Variants in WDR12 observed in about 807,000 individuals in gnomAD.
The protein encoded by WDR12 is ribosome biogenesis protein WDR12.
Under a neutral mutation model 64.3 loss-of-function variants are expected in WDR12, and 42 were observed. The observed-to-expected ratio is 0.65, with a 90% CI of 0.51 to 0.84. The LOEUF (loss-of-function observed/expected upper bound fraction) is 0.84, where lower values mean the gene tolerates loss of function less well. Among genes scored for constraint, WDR12 ranks in the 40% least tolerant of loss-of-function variants. WDR12 has a pLI of 0.00. For synonymous variants in WDR12, 158 were observed against 173.3 expected (o/e 0.91, Z 0.70); for missense variants, 469 against 494.6 (o/e 0.95, Z 0.49).
At chr2:202,884,363 T>C in intron 9 of WDR12, 32 bp downstream of exon 9, 2 of 1,613,630 alleles carry the variant, frequency 1.2e-6, no homozygotes, top group Non-Finnish European at 1.7e-6. Context: ...TCTAGAAGTT[T>C]ATCACTTAAA....
At position 202,884,550 on chromosome 2, in the gene WDR12, C is replaced by T. The variant is rs781517450; in HGVS notation, c.742-15G>A. The stretch of plus-strand genomic sequence containing the variant: ...ACTATGGGAGTCTAGAAAGGAAGAA[C>T]CCCAAAAGGGGAAAGTGTTTTCATT... On this transcript the variant is annotated splice_polypyrimidine_tract_variant and intron_variant, in intron 8 of 12. Transcript: ENST00000261015. 9.4e-6 allele frequency: 15 copies of T among 1,597,088 alleles called. No individual in the cohort carries two copies. Among genetic ancestry groups the T allele is most frequent in the South Asian group, 4.6e-5 (4 of 87,428 alleles).
chr2:202,896,097 C>T lies in WDR12; in HGVS notation c.577G>A (p.Asp193Asn). ...CCTGAGCCATCAACAGCTATAGAAT[C>T]TACACTTCCAGCATGACCTCTACAG... ...HCCRGHAGSVDSIAVDGSGTK... is the reference protein window; with the variant it reads ...HCCRGHAGSVNSIAVDGSGTK... Residue 193 changes from aspartate (D) to asparagine (N), a missense_variant, in exon 6 of 13, where the codon GAT becomes AAT. Physicochemically the swap from Asp to Asn is conservative, Grantham distance 23. Transcript: ENST00000261015. 6.2e-7 allele frequency: 1 copy of T among 1,614,054 alleles called. No individual in the cohort carries two copies. The highest frequency in any genetic ancestry group is 8.5e-7 in the Non-Finnish European group (1 of 1,179,978).
chr2:202,910,299 G>A (rs1413701584), intron 1 of WDR12, among the ~76,000 whole-genome samples: 1 of 152,110 alleles, frequency 6.6e-6, no homozygotes, highest in East Asian at 1.9e-4. Context: ...GAGGTGGGCG[G>A]ATCACTTGAG....
chr2:202,903,001 C>G (rs1337096680), intron 2 of WDR12, among the ~76,000 whole-genome samples: 1 of 152,120 alleles, frequency 6.6e-6, no homozygotes, highest in African/African-American at 2.4e-5. Flanking sequence ...ATTGCTTGAA[C>G]CCGGGAGGTG....
intron 11 of WDR12, among the ~76,000 whole-genome samples, chr2:202,883,127 T>C (rs1687984070): frequency 6.6e-6 from 1 of 152,176 alleles, no homozygotes; most frequent in Admixed American, 6.5e-5. Context: ...CAAAACAACA[T>C]ATTAACATGA....
At chr2:202,889,336 C>A (rs74981247) in intron 8 of WDR12, among the ~76,000 whole-genome samples, 5,876 of 152,046 alleles carry the variant, frequency 0.039, 363 homozygotes, top group African/African-American at 0.13. Context: ...ATAACTCTTA[C>A]AAATCAGTAA....
At chr2:202,884,026 T>A in intron 10 of WDR12, 172 bp downstream of exon 10, 1 of 683,016 alleles carries the variant, frequency 1.5e-6, no homozygotes, top group South Asian at 2.0e-5. Context: ...TTGGCCAGGC[T>A]GATCTCCAAC....
chr2:202,897,548 AAGCCATACTAGATCAGATCACTTG>A (rs1435073203), intron 4 of WDR12, 133 bp from the exon 5 acceptor site: 3 of 477,214 alleles, frequency 6.3e-6, no homozygotes, highest in African/African-American at 4.3e-5. Flanking sequence ...TTGAGATTTC[AAGCCATACTAGATCAGATCACTTG>A]ACGTTTCTCA....
chr2:202,887,947 A>T (rs1470552931), intron 8 of WDR12, among the ~76,000 whole-genome samples: 1 of 152,062 alleles, frequency 6.6e-6, no homozygotes, highest in Non-Finnish European at 1.5e-5. Flanking sequence ...AGGCAAACTT[A>T]TCATATGAAT....
chr2:202,874,314 C>A lies in WDR12; in HGVS notation c.*6546G>T, dbSNP rs1163144817. ...CTGAACTGTTATTTAACTTTCTATC[C>A]TTTCTATCAACATATAATACACTTA... On this transcript the variant is annotated 3_prime_UTR_variant, in exon 13 of 13. Transcript: ENST00000261015. 1.3e-5 allele frequency among the ~76,000 whole-genome samples: 2 copies of A among 152,038 alleles called. No individual in the cohort carries two copies. The highest frequency in any genetic ancestry group is 2.4e-5 in the African/African-American group (1 of 41,392).
At chr2:202,893,459 T>G (rs1414671546) in intron 7 of WDR12, among the ~76,000 whole-genome samples, 1 of 152,188 alleles carries the variant, frequency 6.6e-6, no homozygotes, top group Non-Finnish European at 1.5e-5. Context: ...TAAAGAATTT[T>G]CTAAACTAAA....
intron 1 of WDR12, among the ~76,000 whole-genome samples, chr2:202,908,899 A>C (rs1267542283): frequency 6.6e-6 from 1 of 152,208 alleles, no homozygotes; most frequent in Admixed American, 6.5e-5. Context: ...CTCAATAATA[A>C]AAAGACAACA....
intron 6 of WDR12, among the ~76,000 whole-genome samples, chr2:202,895,455 A>G (rs1199595487): frequency 6.6e-6 from 1 of 151,154 alleles, no homozygotes; most frequent in African/African-American, 2.4e-5. Context: ...GACTGGAAAT[A>G]TGTCAATTAC....
At chr2:202,906,928 G>A (rs1688468344) in intron 2 of WDR12, among the ~76,000 whole-genome samples, 1 of 151,642 alleles carries the variant, frequency 6.6e-6, no homozygotes. Context: ...AATATAAGGA[G>A]CCTCCTTACA....
In WDR12 at chr2:202,903,659, G is replaced by A. The variant is rs183180840; in HGVS notation, c.137-2540C>T. Among the ~76,000 whole-genome samples the A allele has an allele frequency of 1.9e-4, 29 of 152,194 alleles. No individual in the cohort carries two copies. In the East Asian group the frequency reaches 5.2e-3, roughly 27 times the overall value. On this transcript the variant is annotated intron_variant, in intron 2 of 12. Transcript: ENST00000261015. ...CTTTATTTTACCAAAAACCAATTAGGACTGATAAATTCAGTAAAGTTGCAT... is the reference window on the plus strand; with the variant it reads ...CTTTATTTTACCAAAAACCAATTAGAACTGATAAATTCAGTAAAGTTGCAT...
In WDR12 at chr2:202,878,863, AT is replaced by A. The variant is rs1687904149; in HGVS notation, c.*1996del. On this transcript the variant is annotated 3_prime_UTR_variant, in exon 13 of 13. Transcript: ENST00000261015. ...TAATAATGGAAATAACATTTAAAAA[AT>A]ACATTTACTTTAAATATTTTTATAT... 6.6e-6 allele frequency: 1 copy of A among 152,244 alleles called. No individual in the cohort carries two copies. Among genetic ancestry groups the A allele is most frequent in the Non-Finnish European group, 1.5e-5 (1 of 68,044 alleles). 9.4% of individuals were successfully genotyped at this position (152,244 alleles called of 1,614,324 possible). A position where few individuals can be genotyped will look rare whatever the true frequency, so the allele number is the denominator to read the frequency against.
At chr2:202,892,052 T>C (rs1026703653) in intron 8 of WDR12, among the ~76,000 whole-genome samples, 1 of 152,368 alleles carries the variant, frequency 6.6e-6, no homozygotes. Context: ...ACAATGTTTA[T>C]GTGTATCTAA....
intron 6 of WDR12, 36 bp from the exon 7 acceptor site, chr2:202,894,662 A>C: frequency 6.5e-7 from 1 of 1,545,350 alleles, no homozygotes; most frequent in Non-Finnish European, 8.8e-7. Context: ...AGACATATGT[A>C]ATATGATTCA....
At chr2:202,910,465 G>A (rs544236245) in intron 1 of WDR12, among the ~76,000 whole-genome samples, 3 of 152,256 alleles carry the variant, frequency 2.0e-5, no homozygotes, top group African/African-American at 7.2e-5. Context: ...AGAGGTTACA[G>A]TGAGCCAAGA....
Sources: gnomAD v4.1 joint callset for allele counts (sites outside exome capture counted in the v4.1 genomes callset) on GRCh38, gnomAD v4.1.1 for gene constraint, MANE v1.5 for transcripts, NCBI Gene and HGNC (gene_info 2026-07-23, HGNC 2026-07-21) for gene names.